Variants in AGAP1 observed in about 807,000 individuals in gnomAD.
AGAP1 encodes ArfGAP with GTPase domain, ankyrin repeat and PH domain 1, also known as arf-GAP with GTPase, ANK repeat and PH domain-containing protein 1.
AGAP1 carries 29 observed loss-of-function variants against 105.3 expected under a neutral mutation model. That is an observed-to-expected ratio of 0.28 (90% CI 0.21 to 0.38). The LOEUF is 0.38. AGAP1 is among the 10% of genes least tolerant of loss of function. The pLI is 1.00. For missense variants in AGAP1, 998 were observed against 1,165.1 expected (o/e 0.86, Z 2.09); for synonymous variants, 509 against 485.9 (o/e 1.05, Z -0.63).
At chr2:235,713,772 A>G (rs1236628867) in intron 2 of AGAP1, among the ~76,000 whole-genome samples, 1 of 152,228 alleles carries the variant, frequency 6.6e-6, no homozygotes. Context: ...CAACAGAAAT[A>G]TATAGCTCAC....
intron 9 of AGAP1, among the ~76,000 whole-genome samples, chr2:235,881,772 A>C (rs1343520989): frequency 6.6e-6 from 1 of 152,256 alleles, no homozygotes; most frequent in African/African-American, 2.4e-5. Flanking sequence ...AGAAATTCTC[A>C]ACCACCATTT....
intron 12 of AGAP1, among the ~76,000 whole-genome samples, chr2:235,939,497 G>A (rs568007668): frequency 1.3e-5 from 2 of 151,666 alleles, no homozygotes; most frequent in East Asian, 2.0e-4. Context: ...CTCGGCCATC[G>A]CTCAGCCCAA....
intron 1 of AGAP1, among the ~76,000 whole-genome samples, chr2:235,503,518 A>T (rs1941657233): frequency 6.6e-6 from 1 of 152,180 alleles, no homozygotes; most frequent in Admixed American, 6.5e-5. Context: ...GTGTCCATGT[A>T]GTACTTGAAG....
rs2058959466 is a variant in AGAP1 at position 236,087,402 on chromosome 2, T to C, written c.2115-32790T>C. ...GCTCCAAGGACAGACAACCTCGTCT[T>C]GCAGGATCATTTACCTTTTATATTA... On this transcript the variant is annotated intron_variant, in intron 16 of 17. Coordinates refer to ENST00000304032, the MANE Select transcript of AGAP1 (RefSeq NM_001037131.3). This position sits in a 1 kb window ranked among gnomAD's most constrained non-coding sequence, Gnocchi z 5.7. Among the ~76,000 whole-genome samples, 1 of 152,176 alleles carries C rather than the reference T, an allele frequency of 6.6e-6. No homozygotes were observed. Among genetic ancestry groups the C allele is most frequent in the South Asian group, 2.1e-4 (1 of 4,832 alleles).
chr2:236,045,718 C>T lies in AGAP1; in HGVS notation c.1892-3341C>T, dbSNP rs1245988636. On this transcript the variant is annotated intron_variant, in intron 15 of 17. Coordinates refer to ENST00000304032, the MANE Select transcript of AGAP1 (RefSeq NM_001037131.3). This position sits in a 1 kb window ranked among gnomAD's most constrained non-coding sequence, Gnocchi z 6.9. ...ACAGGCCGAGGTTCTCCACCCAGGC[C>T]GAGACACAGCGAAGTGTCCCAGTTG... 2.0e-5 allele frequency among the ~76,000 whole-genome samples: 3 copies of T among 152,192 alleles called. No individual in the cohort carries two copies. The highest frequency in any genetic ancestry group is 4.8e-5 in the African/African-American group (2 of 41,446).
chr2:235,760,039 G>A (rs754428181), intron 6 of AGAP1, among the ~76,000 whole-genome samples: 2 of 152,146 alleles, frequency 1.3e-5, no homozygotes, highest in African/African-American at 2.4e-5. Context: ...GAAGCTTCTG[G>A]CACATCAACT....
chr2:235,914,889 G>A (rs1289782648), intron 11 of AGAP1, among the ~76,000 whole-genome samples: 1 of 152,230 alleles, frequency 6.6e-6, no homozygotes, highest in African/African-American at 2.4e-5. Flanking sequence ...CATCGGAACA[G>A]GCAGCATGCC....
At position 236,105,198 on chromosome 2, in the gene AGAP1, G is replaced by C. The variant is rs1001683472; in HGVS notation, c.2115-14994G>C. ...CCTACAAGGAAAAGCAGTTAGATTC[G>C]AGCAAAGTGGTGAATTGGTCTGAAT... On this transcript the variant is annotated intron_variant, in intron 16 of 17. Transcript: ENST00000304032. This position sits in a 1 kb window ranked among gnomAD's most constrained non-coding sequence, Gnocchi z 4.2. Among the ~76,000 whole-genome samples the C allele has an allele frequency of 6.6e-6, 1 of 152,140 alleles. No individual in the cohort carries two copies. Among genetic ancestry groups the C allele is most frequent in the Non-Finnish European group, 1.5e-5 (1 of 68,036 alleles).
intron 1 of AGAP1, among the ~76,000 whole-genome samples, chr2:235,681,241 T>C (rs1019821956): frequency 2.0e-5 from 3 of 152,128 alleles, no homozygotes; most frequent in Non-Finnish European, 4.4e-5. Context: ...GATCTCCTGA[T>C]CTCATGATCT....
Position 235,750,584 on chromosome 2 carries a change from G to A in AGAP1, c.673+96G>A, listed in dbSNP as rs1044975277. ...GCCTGCACTTGTGCATGTGGGTGGTGGAAATATGTCGTTGATGGGTGGGCA... is the reference window on the plus strand; with the variant it reads ...GCCTGCACTTGTGCATGTGGGTGGTAGAAATATGTCGTTGATGGGTGGGCA... On this transcript the variant is annotated intron_variant, in intron 6 of 17. Transcript: ENST00000304032. The surrounding 1 kb of genome is among the most constrained non-coding windows in gnomAD (Gnocchi z 5.3). The A allele has an allele frequency of 2.5e-6, 4 of 1,569,534 alleles. No homozygotes were observed. The African/African-American group carries it at 5.4e-5, about 21-fold the overall frequency.
At position 235,879,588 on chromosome 2, in the gene AGAP1, C is replaced by T. The variant is rs962523809; in HGVS notation, c.1051-3757C>T. 2.6e-5 allele frequency among the ~76,000 whole-genome samples: 4 copies of T among 152,148 alleles called. No homozygotes were observed. The highest frequency in any genetic ancestry group is 2.6e-4 in the Admixed American group (4 of 15,286). Reference sequence around the variant, plus strand: ...TTTCCTAGGATCAAAAGAAAATCAGCGTAGGCCTGGCACAGTGGCTCACTC... The same window carrying T: ...TTTCCTAGGATCAAAAGAAAATCAGTGTAGGCCTGGCACAGTGGCTCACTC... On this transcript the variant is annotated intron_variant, in intron 9 of 17. Coordinates refer to ENST00000304032, the MANE Select transcript of AGAP1 (RefSeq NM_001037131.3). The surrounding 1 kb of genome is among the most constrained non-coding windows in gnomAD (Gnocchi z 5.0).
At chr2:235,598,859 CA>C (rs1945632861) in intron 1 of AGAP1, among the ~76,000 whole-genome samples, 1 of 152,086 alleles carries the variant, frequency 6.6e-6, no homozygotes, top group Non-Finnish European at 1.5e-5. Flanking sequence ...AGATTTTATT[CA>C]AAATGAAAAC....
chr2:235,744,902 G>T lies in AGAP1; in HGVS notation c.538+63G>T, dbSNP rs1952809278. On this transcript the variant is annotated intron_variant, in intron 5 of 17. Transcript: ENST00000304032. This position sits in a 1 kb window ranked among gnomAD's most constrained non-coding sequence, Gnocchi z 5.2. ...TCTAACAGTTACATATTTTCAGTAT[G>T]GAGGAGTTTAAAAAATGCTTTAAAG... The T allele has an allele frequency of 6.4e-7, 1 of 1,557,448 alleles. No homozygotes were observed. The highest frequency in any genetic ancestry group is 8.7e-7 in the Non-Finnish European group (1 of 1,148,620).
At chr2:235,627,517 G>A (rs1026259405) in intron 1 of AGAP1, among the ~76,000 whole-genome samples, 5 of 152,132 alleles carry the variant, frequency 3.3e-5, no homozygotes, top group East Asian at 1.9e-4. Flanking sequence ...GAGCCACGGC[G>A]CCCGGCTATT....
At chr2:235,897,196 T>A (rs2050848385) in intron 10 of AGAP1, among the ~76,000 whole-genome samples, 1 of 152,116 alleles carries the variant, frequency 6.6e-6, no homozygotes, top group Non-Finnish European at 1.5e-5. Context: ...AATTCCACCA[T>A]GCCCGGCTAA....
intron 9 of AGAP1, among the ~76,000 whole-genome samples, chr2:235,863,322 A>G (rs963452692): frequency 6.6e-6 from 1 of 152,272 alleles, no homozygotes; most frequent in Non-Finnish European, 1.5e-5. Context: ...AGAAGAAATA[A>G]GTGAATCTGA....
chr2:235,981,890 C>T lies in AGAP1; in HGVS notation c.1645+13267C>T, dbSNP rs1002625524. ...CCTTCCCTTGGAAGGGGGCGCTTGT[C>T]TTTTCAGCGGTCTTGCCTCCGAATC... On this transcript the variant is annotated intron_variant, in intron 13 of 17. Coordinates refer to ENST00000304032, the MANE Select transcript of AGAP1 (RefSeq NM_001037131.3). This position sits in a 1 kb window ranked among gnomAD's most constrained non-coding sequence, Gnocchi z 5.5. Among the ~76,000 whole-genome samples, 44 of 152,208 alleles carry T rather than the reference C, an allele frequency of 2.9e-4. No individual in the cohort carries two copies. The highest frequency in any genetic ancestry group is 6.2e-4 in the Non-Finnish European group (42 of 68,046).
In AGAP1 at chr2:235,960,368, G is replaced by A. The variant is rs2054130343; in HGVS notation, c.1484-8094G>A. On this transcript the variant is annotated intron_variant, in intron 12 of 17. Transcript: ENST00000304032. The surrounding 1 kb of genome is among the most constrained non-coding windows in gnomAD (Gnocchi z 4.9). The stretch of plus-strand genomic sequence containing the variant: ...AAAAGCTTGCCTCCTTCTCCCCGCA[G>A]TGGCCAGGACAAGGCTCACATTTTT... Among the ~76,000 whole-genome samples the A allele has an allele frequency of 6.6e-6, 1 of 152,210 alleles. No homozygotes were observed. Among genetic ancestry groups the A allele is most frequent in the African/African-American group, 2.4e-5 (1 of 41,450 alleles).
At chr2:235,757,377 A>C (rs907920216) in intron 6 of AGAP1, among the ~76,000 whole-genome samples, 21 of 137,938 alleles carry the variant, frequency 1.5e-4, no homozygotes, top group African/African-American at 7.0e-4. Flanking sequence ...GCCAGGTGCT[A>C]GTGCTCCCGG....
Sources: gnomAD v4.1 joint callset for allele counts (sites outside exome capture counted in the v4.1 genomes callset) on GRCh38, gnomAD v4.1.1 for gene constraint, Gnocchi (gnomAD v3.1) non-coding constraint, MANE v1.5 for transcripts, NCBI Gene and HGNC (gene_info 2026-07-23, HGNC 2026-07-21) for gene names.